MCU: variants seen among roughly 807,000 people sequenced by gnomAD.
MCU encodes the protein calcium uniporter protein, mitochondrial.
A neutral mutation model predicts 45.2 loss-of-function variants in MCU; 12 were observed. The observed-to-expected ratio is 0.27, with a 90% CI of 0.17 to 0.43. The LOEUF (loss-of-function observed/expected upper bound fraction) is 0.43, where lower values mean the gene tolerates loss of function less well. Ranked by LOEUF, MCU falls within the 20% of genes least tolerant of loss-of-function variation. The pLI, the probability that MCU is intolerant of heterozygous loss-of-function variation, is 1.00. For synonymous variants in MCU, 160 were observed against 165.1 expected, an observed-to-expected ratio of 0.97 and a Z score of 0.24; for missense variants, 324 against 436.7, an observed-to-expected ratio of 0.74 and a Z score of 2.30.
intron 1 of MCU, among the ~76,000 whole-genome samples, chr10:72,748,790 AATAATT>A (rs1157495547): frequency 6.6e-6 from 1 of 152,200 alleles, no homozygotes; most frequent in Non-Finnish European, 1.5e-5. Flanking sequence ...GTCTCAAGAA[AATAATT>A]ATAATTTGAA....
At chr10:72,848,264 T>C in intron 2 of MCU, among the ~76,000 whole-genome samples, 1 of 152,200 alleles carries the variant, frequency 6.6e-6, no homozygotes, top group East Asian at 1.9e-4. Flanking sequence ...TCTTTGCTGC[T>C]ATATCAATTG....
intron 1 of MCU, among the ~76,000 whole-genome samples, chr10:72,712,978 A>G (rs1385567575): frequency 2.6e-5 from 4 of 152,230 alleles, no homozygotes; most frequent in African/African-American, 9.6e-5. Context: ...GATGGTTTCC[A>G]GGGACTGTCG....
At chr10:72,830,434 T>C (rs1844862881) in intron 1 of MCU, among the ~76,000 whole-genome samples, 1 of 152,188 alleles carries the variant, frequency 6.6e-6, no homozygotes, top group Non-Finnish European at 1.5e-5. Context: ...TGAAGTGATA[T>C]GATGGTTGGG....
chr10:72,714,073 TCTC>T (rs1470902669), intron 1 of MCU, among the ~76,000 whole-genome samples: 3 of 151,452 alleles, frequency 2.0e-5, no homozygotes, highest in African/African-American at 7.3e-5. Context: ...TTCAAGCAGT[TCTC>T]CTACCTCAGC....
chr10:72,709,148 A>G (rs1842859083), intron 1 of MCU, among the ~76,000 whole-genome samples: 2 of 152,136 alleles, frequency 1.3e-5, no homozygotes, highest in Non-Finnish European at 2.9e-5. Context: ...TTCTTTCTGT[A>G]TATATATATT....
chr10:72,693,000 G>A (rs1168510410), intron 1 of MCU: 2 of 1,536,154 alleles, frequency 1.3e-6, no homozygotes, highest in South Asian at 2.4e-5. Flanking sequence ...GAGGGCTACT[G>A]TATAAGCGTG....
chr10:72,761,076 C>T (rs1843650249), intron 1 of MCU, among the ~76,000 whole-genome samples: 1 of 152,132 alleles, frequency 6.6e-6, no homozygotes, highest in Non-Finnish European at 1.5e-5. Context: ...AAATTGTAGA[C>T]TTCATCTAAT....
intron 1 of MCU, among the ~76,000 whole-genome samples, chr10:72,777,270 G>A (rs1843909512): frequency 6.6e-6 from 1 of 152,138 alleles, no homozygotes; most frequent in Admixed American, 6.5e-5. Context: ...AAAGAGCAAA[G>A]CTGGAGACAC....
At chr10:72,779,041 C>T (rs1843945983) in intron 1 of MCU, among the ~76,000 whole-genome samples, 1 of 152,112 alleles carries the variant, frequency 6.6e-6, no homozygotes, top group South Asian at 2.1e-4. Flanking sequence ...ACGATCTTGG[C>T]TCCCTGCAAC....
At chr10:72,712,784 T>C (rs1842911550) in intron 1 of MCU, among the ~76,000 whole-genome samples, 1 of 152,228 alleles carries the variant, frequency 6.6e-6, no homozygotes, top group Non-Finnish European at 1.5e-5. Flanking sequence ...AAAGACAATC[T>C]CTGATAAAAT....
chr10:72,870,423 C>T (rs1845524241), intron 5 of MCU, among the ~76,000 whole-genome samples: 3 of 152,044 alleles, frequency 2.0e-5, no homozygotes, highest in African/African-American at 7.2e-5. Context: ...GGACTACAGG[C>T]GCCTGCCACC....
intron 1 of MCU, among the ~76,000 whole-genome samples, chr10:72,751,475 C>T (rs140969215): frequency 2.0e-5 from 3 of 149,750 alleles, no homozygotes; most frequent in African/African-American, 7.4e-5. Flanking sequence ...GTGCCTCAGC[C>T]TCCTGAGTAG....
intron 1 of MCU, among the ~76,000 whole-genome samples, chr10:72,776,667 A>G (rs1843898739): frequency 1.3e-5 from 2 of 152,210 alleles, no homozygotes; most frequent in Admixed American, 1.3e-4. Context: ...GAAGATAAGA[A>G]TGGCTACTTT....
chr10:72,701,613 G>A (rs1003213097), intron 1 of MCU, among the ~76,000 whole-genome samples: 1 of 151,938 alleles, frequency 6.6e-6, no homozygotes, highest in Admixed American at 6.6e-5. Flanking sequence ...TGCAAGCTCC[G>A]CCTCCCAGGT....
At chr10:72,773,909 TC>T (rs1206540018) in intron 1 of MCU, among the ~76,000 whole-genome samples, 1 of 152,162 alleles carries the variant, frequency 6.6e-6, no homozygotes, top group Non-Finnish European at 1.5e-5. Flanking sequence ...ACAAAGCGTT[TC>T]CCAGACAAAC....
At chr10:72,754,879 C>G (rs1381959089) in intron 1 of MCU, among the ~76,000 whole-genome samples, 1 of 152,140 alleles carries the variant, frequency 6.6e-6, no homozygotes, top group Admixed American at 6.5e-5. Flanking sequence ...CCCATACTGC[C>G]CAGTTTGCAG....
intron 1 of MCU, among the ~76,000 whole-genome samples, chr10:72,742,356 C>T (rs1249293427): frequency 2.0e-5 from 3 of 152,142 alleles, no homozygotes; most frequent in Admixed American, 6.5e-5. Flanking sequence ...TGAAGGAACA[C>T]GGGACTGCAC....
intron 1 of MCU, among the ~76,000 whole-genome samples, chr10:72,733,702 TA>T (rs67163278): frequency 0.32 from 45,958 of 144,400 alleles, 8,193 homozygotes; most frequent in East Asian, 0.83. Flanking sequence ...TATATATATA[TA>T]TTTTTTTAAA....
intron 1 of MCU, among the ~76,000 whole-genome samples, chr10:72,757,263 A>G (rs1350313296): frequency 1.3e-5 from 2 of 152,294 alleles, no homozygotes; most frequent in South Asian, 2.1e-4. Flanking sequence ...GAGATTAGCA[A>G]CGGGAATCAC....
Sources: gnomAD v4.1 joint callset for allele counts (sites outside exome capture counted in the v4.1 genomes callset) on GRCh38, gnomAD v4.1.1 for gene constraint, MANE v1.5 for transcripts, NCBI Gene and HGNC (gene_info 2026-07-23, HGNC 2026-07-21) for gene names.